The following ECM2 variants were observed in gnomAD, a reference collection of about 807,000 sequenced individuals.
The protein encoded by ECM2 is extracellular matrix protein 2.
ECM2 carries 57 observed loss-of-function variants against 67.5 expected under a neutral mutation model. That is an observed-to-expected ratio of 0.84 (90% CI 0.68 to 1.05). ECM2 has a LOEUF of 1.05. Among genes scored for constraint, ECM2 ranks in the 50% least tolerant of loss-of-function variants. The probability of loss-of-function intolerance (pLI) is 0.00; values close to 1 mark genes in which losing one functional copy is unlikely to be tolerated. For missense variants in ECM2, 741 were observed against 822.8 expected (o/e 0.90, Z 1.22); for synonymous variants, 258 against 294.5 (o/e 0.88, Z 1.27).
chr9:92,494,728 A>T (rs1029975025), downstream of ECM2, among the ~76,000 whole-genome samples: 13 of 152,030 alleles, frequency 8.6e-5, no homozygotes, highest in African/African-American at 3.1e-4. Context: ...CCAACATGGT[A>T]AAACCCCATC....
intron 4 of ECM2, among the ~76,000 whole-genome samples, chr9:92,513,905 A>G (rs1197338208): frequency 6.6e-6 from 1 of 152,240 alleles, no homozygotes; most frequent in Non-Finnish European, 1.5e-5. Flanking sequence ...TTTACTACAT[A>G]TAAATTATAC....
At chr9:92,544,268 G>C in the ECM2 span, among the ~76,000 whole-genome samples, 111 of 152,356 alleles carry the variant, frequency 7.3e-4, no homozygotes, top group Middle Eastern at 6.8e-3. Context: ...TTGAGGTCAA[G>C]AGTTCAAGGC....
At chr9:92,528,305 C>G (rs1848539044) in intron 1 of ECM2, among the ~76,000 whole-genome samples, 1 of 152,116 alleles carries the variant, frequency 6.6e-6, no homozygotes, top group African/African-American at 2.4e-5. Flanking sequence ...AAGGGAGTTG[C>G]AGTGAGGGGA....
At chr9:92,498,017 T>C (rs992919006) in intron 9 of ECM2, among the ~76,000 whole-genome samples, 1 of 152,156 alleles carries the variant, frequency 6.6e-6, no homozygotes, top group African/African-American at 2.4e-5. Flanking sequence ...CAGATGCCAG[T>C]GCCGTGCTAC....
Position 92,511,906 on chromosome 9 carries a change from C to T in ECM2, c.1170+105G>A, listed in dbSNP as rs1252576861. ...GAGAGGAAACTTTCTTAGAAGAAGA[C>T]TACCAATTAGAAGCATTTTCCTTTT... On this transcript the variant is annotated intron_variant, in intron 5 of 9. Coordinates refer to ENST00000344604, the MANE Select transcript of ECM2 (RefSeq NM_001393.4). The T allele has an allele frequency of 9.2e-6, 7 of 762,222 alleles. No homozygotes were observed. The East Asian group carries it at 1.9e-4, about 21-fold the overall frequency. The allele number at this position is 762,222 out of a possible 1,614,324, so 47.2% of individuals were successfully genotyped here.
chr9:92,545,017 C>A, the ECM2 span, among the ~76,000 whole-genome samples: 1 of 152,318 alleles, frequency 6.6e-6, no homozygotes, highest in East Asian at 1.9e-4. Flanking sequence ...AGCAACCACG[C>A]CCATCTTACA....
At chr9:92,507,781 A>G (rs1460244880) in intron 6 of ECM2, among the ~76,000 whole-genome samples, 1 of 151,204 alleles carries the variant, frequency 6.6e-6, no homozygotes, top group African/African-American at 2.4e-5. Context: ...CACCTTTCAC[A>G]CCTCTCTCTC....
At chr9:92,534,867 G>A (rs1484151830) in intron 1 of ECM2, among the ~76,000 whole-genome samples, 1 of 152,180 alleles carries the variant, frequency 6.6e-6, no homozygotes, top group East Asian at 1.9e-4. Context: ...ACAATTGTAT[G>A]TGCAGACCTT....
chr9:92,514,714 T>C lies in ECM2; in HGVS notation c.971A>G (p.Tyr324Cys), dbSNP rs1470863946. The C allele has an allele frequency of 1.2e-6, 2 of 1,613,892 alleles. No homozygotes were observed. Among genetic ancestry groups the C allele is most frequent in the African/African-American group, 1.3e-5 (1 of 74,920 alleles). Residue 324 changes from tyrosine to cysteine, a missense_variant, in exon 4 of 10, where the codon TAC (tyrosine) becomes TGC (cysteine). Coordinates refer to ENST00000344604, the MANE Select transcript of ECM2 (RefSeq NM_001393.4). ...LRLPSGCSLS[Y>C]RTISCINAML... ...GGCGTTGATGCAGCTGATGGTCCTG[T>C]AGGACAGAGAGCACCCGCTTGGCAG...
intron 2 of ECM2, 53 bp downstream of exon 2, chr9:92,522,522 C>T (rs1278788868): frequency 6.8e-7 from 1 of 1,469,990 alleles, no homozygotes; most frequent in African/African-American, 1.4e-5. Flanking sequence ...TTTCCCCATA[C>T]CATCTCTCAC....
intron 7 of ECM2, among the ~76,000 whole-genome samples, chr9:92,505,152 C>G (rs1055507672): frequency 2.0e-5 from 3 of 152,210 alleles, no homozygotes; most frequent in Admixed American, 1.3e-4. Context: ...AGTGGACACT[C>G]TGTTACGGTT....
chr9:92,541,406 C>T (rs1849314830), upstream of ECM2, among the ~76,000 whole-genome samples: 1 of 92,786 alleles, frequency 1.1e-5, no homozygotes, highest in Non-Finnish European at 2.1e-5. Flanking sequence ...CACTGCCACC[C>T]CCCTTCCCCC....
upstream of ECM2, among the ~76,000 whole-genome samples, chr9:92,539,833 T>G (rs955518028): frequency 6.6e-6 from 1 of 152,204 alleles, no homozygotes; most frequent in Non-Finnish European, 1.5e-5. Flanking sequence ...ATCCCACAAC[T>G]CATTCAACCA....
chr9:92,542,668 C>T, the ECM2 span, among the ~76,000 whole-genome samples: 1 of 152,176 alleles, frequency 6.6e-6, no homozygotes, highest in Non-Finnish European at 1.5e-5. Context: ...AGGCATGCAC[C>T]ACCACACCCA....
chr9:92,515,356 A>G (rs1847637277), intron 3 of ECM2, among the ~76,000 whole-genome samples, 153 bp from the exon 4 acceptor site: 1 of 152,182 alleles, frequency 6.6e-6, no homozygotes, highest in Non-Finnish European at 1.5e-5. Context: ...CTTGCTTAAA[A>G]AGTTTTAATA....
At chr9:92,533,322 A>C (rs1182481994) in intron 1 of ECM2, among the ~76,000 whole-genome samples, 1 of 89,522 alleles carries the variant, frequency 1.1e-5, no homozygotes, top group African/African-American at 4.4e-5. Flanking sequence ...AAAAAAAAAA[A>C]AAAAAAATAT....
the ECM2 span, among the ~76,000 whole-genome samples, chr9:92,553,284 A>G: frequency 2.0e-5 from 3 of 152,166 alleles, no homozygotes; most frequent in Admixed American, 2.0e-4. Context: ...CTATTTTTAT[A>G]CCAGTATTAT....
the ECM2 span, among the ~76,000 whole-genome samples, chr9:92,555,811 T>C: frequency 6.6e-6 from 1 of 152,238 alleles, no homozygotes. Context: ...TAATGGTCTA[T>C]CAATTTTATT....
intron 1 of ECM2, among the ~76,000 whole-genome samples, chr9:92,526,694 CAA>C (rs1848434187): frequency 6.6e-6 from 1 of 151,438 alleles, no homozygotes; most frequent in East Asian, 1.9e-4. Flanking sequence ...AATGCTATTA[CAA>C]AAGAGTCAAA....
Sources: allele counts gnomAD v4.1 joint callset (sites outside exome capture counted in the v4.1 genomes callset), GRCh38; gene constraint gnomAD v4.1.1; transcripts MANE v1.5; gene names NCBI Gene and HGNC (gene_info 2026-07-23, HGNC 2026-07-21).